Variants in CNTN5 observed in about 807,000 individuals in gnomAD.
CNTN5 encodes the protein contactin-5.
CNTN5 carries 77 observed loss-of-function variants against 129.1 expected under a neutral mutation model. That is an observed-to-expected ratio of 0.60 (90% CI 0.50 to 0.72). The LOEUF is 0.72. Among genes scored for constraint, CNTN5 ranks in the 30% least tolerant of loss-of-function variants. The pLI is 0.00. For synonymous variants in CNTN5, 509 were observed against 465.6 expected (o/e 1.09, Z -1.20); for missense variants, 1,478 against 1,328.8 (o/e 1.11, Z -1.75).
chr11:99,393,893 G>A (rs1941392920), intron 2 of CNTN5, among the ~76,000 whole-genome samples: 1 of 151,742 alleles, frequency 6.6e-6, no homozygotes, highest in African/African-American at 2.4e-5. Flanking sequence ...ATGCAGAAAA[G>A]TAGGTAAATA....
chr11:99,334,940 G>A (rs988006966), intron 2 of CNTN5, among the ~76,000 whole-genome samples: 2 of 151,546 alleles, frequency 1.3e-5, no homozygotes, highest in African/African-American at 4.9e-5. Flanking sequence ...TTGACTTTCT[G>A]GCCCTCAACC....
At chr11:99,367,782 G>A (rs538105638) in intron 2 of CNTN5, among the ~76,000 whole-genome samples, 1 of 152,234 alleles carries the variant, frequency 6.6e-6, no homozygotes, top group South Asian at 2.1e-4. Context: ...GGAATTAAAA[G>A]AAGAAATTGA....
At chr11:99,819,430 G>A in intron 3 of CNTN5, 114 bp from the exon 4 acceptor site, 1 of 797,168 alleles carries the variant, frequency 1.3e-6, no homozygotes, top group Non-Finnish European at 2.0e-6. Flanking sequence ...ATCTGAATTT[G>A]CTTGCAGCTC....
intron 13 of CNTN5, among the ~76,000 whole-genome samples, chr11:100,133,976 G>C (rs1212575985): frequency 1.3e-5 from 2 of 152,104 alleles, no homozygotes; most frequent in African/African-American, 4.8e-5. Context: ...GCAAAAGCTA[G>C]TCCAGCAGGT....
Position 100,078,536 on chromosome 11 carries a change from C to A in CNTN5, c.1580+4242C>A, listed in dbSNP as rs181114130. Among the ~76,000 whole-genome samples the A allele has an allele frequency of 9.4e-4, 143 of 152,138 alleles. 1 individual carries two copies. Among genetic ancestry groups the A allele is most frequent in the Middle Eastern group, 6.8e-3 (2 of 294 alleles). ...ATGATGACTGCTTATGAGTTCGTAGCGTTTATGATTTGCAAAGCACTTTAA... is the reference window on the plus strand; with the variant it reads ...ATGATGACTGCTTATGAGTTCGTAGAGTTTATGATTTGCAAAGCACTTTAA... On this transcript the variant is annotated intron_variant, in intron 13 of 24. Transcript: ENST00000524871.
intron 2 of CNTN5, among the ~76,000 whole-genome samples, chr11:99,432,479 T>C (rs192034666): frequency 2.9e-5 from 4 of 138,010 alleles, no homozygotes; most frequent in African/African-American, 1.1e-4. Flanking sequence ...TCTTTTCTTT[T>C]CTTTTCTTTT....
At chr11:100,341,664 C>T (rs1372032517) in intron 23 of CNTN5, among the ~76,000 whole-genome samples, 1 of 152,156 alleles carries the variant, frequency 6.6e-6, no homozygotes, top group East Asian at 1.9e-4. Flanking sequence ...CAGGGAGAGA[C>T]ACAGCAAGCT....
intron 4 of CNTN5, among the ~76,000 whole-genome samples, chr11:99,830,041 T>A (rs1276323568): frequency 6.6e-6 from 1 of 152,050 alleles, no homozygotes; most frequent in Admixed American, 6.6e-5. Context: ...TGTGATGAGA[T>A]GGTTAGGTTA....
intron 17 of CNTN5, among the ~76,000 whole-genome samples, chr11:100,256,231 T>TA (rs1950068053): frequency 6.6e-6 from 1 of 152,194 alleles, no homozygotes; most frequent in African/African-American, 2.4e-5. Flanking sequence ...CCTGCCATGA[T>TA]AAAATCTTAC....
chr11:99,879,503 T>C (rs894616591), intron 6 of CNTN5, among the ~76,000 whole-genome samples: 1 of 152,208 alleles, frequency 6.6e-6, no homozygotes, highest in Non-Finnish European at 1.5e-5. Context: ...CCCAAAACTA[T>C]GCAGAGAATG....
At chr11:99,751,798 G>A (rs776598913) in intron 3 of CNTN5, among the ~76,000 whole-genome samples, 4 of 152,262 alleles carry the variant, frequency 2.6e-5, no homozygotes, top group Non-Finnish European at 4.4e-5. Context: ...TAATCCCCAA[G>A]GAAACAGCAT....
intron 3 of CNTN5, among the ~76,000 whole-genome samples, chr11:99,742,128 C>G (rs1485022749): frequency 2.0e-5 from 3 of 152,070 alleles, no homozygotes; most frequent in Non-Finnish European, 4.4e-5. Flanking sequence ...CAATGGAATT[C>G]AGCAAGTACT....
At chr11:99,488,204 G>A (rs1206544719) in intron 2 of CNTN5, among the ~76,000 whole-genome samples, 4 of 124,444 alleles carry the variant, frequency 3.2e-5, no homozygotes, top group Admixed American at 1.0e-4. Context: ...ATGGAGTCTC[G>A]CTCTGTCGTC....
At chr11:99,128,148 G>A (rs1273906493) in intron 1 of CNTN5, among the ~76,000 whole-genome samples, 1 of 152,102 alleles carries the variant, frequency 6.6e-6, no homozygotes. Context: ...CTCACTCAGA[G>A]GGTCCCACGC....
chr11:99,877,393 C>T (rs1406717804), intron 6 of CNTN5, among the ~76,000 whole-genome samples: 3 of 152,086 alleles, frequency 2.0e-5, no homozygotes, highest in Non-Finnish European at 4.4e-5. Context: ...AGTATATCAA[C>T]AGTGACATAT....
chr11:100,186,185 C>G (rs1281415782), intron 13 of CNTN5, among the ~76,000 whole-genome samples: 1 of 151,942 alleles, frequency 6.6e-6, no homozygotes, highest in Admixed American at 6.6e-5. Context: ...CATGGCAAAG[C>G]CCATCTCTAC....
intron 1 of CNTN5, among the ~76,000 whole-genome samples, chr11:99,173,235 T>G (rs1857616176): frequency 6.6e-6 from 1 of 152,134 alleles, no homozygotes; most frequent in Admixed American, 6.6e-5. Flanking sequence ...CAATTTTCCC[T>G]CAAATAAGAG....
intron 2 of CNTN5, among the ~76,000 whole-genome samples, chr11:99,329,979 G>C (rs1865936235): frequency 6.7e-6 from 1 of 148,784 alleles, no homozygotes; most frequent in Non-Finnish European, 1.5e-5. Context: ...TTAAAGCTTG[G>C]TATCTGAAAA....
At chr11:99,115,125 T>C (rs1857982643) in intron 1 of CNTN5, among the ~76,000 whole-genome samples, 1 of 152,114 alleles carries the variant, frequency 6.6e-6, no homozygotes, top group African/African-American at 2.4e-5. Context: ...TCCCAAACTG[T>C]GAGAAATAAA....
Sources: allele counts gnomAD v4.1 joint callset (sites outside exome capture counted in the v4.1 genomes callset), GRCh38; gene constraint gnomAD v4.1.1; transcripts MANE v1.5; gene names NCBI Gene and HGNC (gene_info 2026-07-23, HGNC 2026-07-21).